Variants in SS18 observed in about 807,000 individuals in gnomAD.
SS18 encodes SS18 subunit of BAF chromatin remodeling complex.
In SS18, 28 loss-of-function variants were observed where a neutral mutation model predicts 72.5. That is an observed-to-expected ratio of 0.39 (90% CI 0.29 to 0.53). The LOEUF is 0.53. Among genes scored for constraint, SS18 ranks in the 20% least tolerant of loss-of-function variants. The probability of loss-of-function intolerance (pLI) is 0.76; values close to 1 mark genes in which losing one functional copy is unlikely to be tolerated. For missense variants in SS18, 518 were observed against 535.3 expected (o/e 0.97, Z 0.32); for synonymous variants, 172 against 164.2 (o/e 1.05, Z -0.37).
chr18:26,066,600 G>GCACACACACACACA lies in SS18; in HGVS notation c.232-8872_232-8859dup, dbSNP rs35011668. On this transcript the variant is annotated intron_variant, in intron 3 of 10. Coordinates refer to ENST00000415083, the MANE Select transcript of SS18 (RefSeq NM_001007559.3). ...TTTTAATATAGTTCTGGAAATTTGT[G>GCACACACACACACA]CACACACACACACACACACACACAC... 4.9e-3 allele frequency among the ~76,000 whole-genome samples: 710 copies of GCACACACACACACA among 144,418 alleles called. 5 individuals carry two copies. Among genetic ancestry groups the GCACACACACACACA allele is most frequent in the African/African-American group, 0.011 (427 of 39,002 alleles). The allele number at this position is 144,418 out of a possible 152,430, so 94.7% of individuals were successfully genotyped here. A position where few individuals can be genotyped will look rare whatever the true frequency, so the allele number is the denominator to read the frequency against.
rs111977273 is a variant in SS18 at position 26,047,668 on chromosome 18, C to T, written c.607+4956G>A. ...CATCCTGGCTAACACGGTGAAACCC[C>T]GTCTCTACCAAAAATACAAAAAAAA... On this transcript the variant is annotated intron_variant, in intron 5 of 10. Transcript: ENST00000415083. Among the ~76,000 whole-genome samples, 957 of 151,780 alleles carry T rather than the reference C, an allele frequency of 6.3e-3. 4 individuals carry two copies. Among genetic ancestry groups the T allele is most frequent in the Middle Eastern group, 0.014 (4 of 292 alleles).
rs2053273407 is a variant in SS18 at position 26,017,712 on chromosome 18, T to C, written c.*642A>G. Reference sequence around the variant, plus strand: ...AAAACTGTATCACAGTGCCCTTGATTATCTAATAGATAAAAGGGATTTGAA... The same window carrying C: ...AAAACTGTATCACAGTGCCCTTGATCATCTAATAGATAAAAGGGATTTGAA... On this transcript the variant is annotated 3_prime_UTR_variant, in exon 11 of 11. Transcript: ENST00000415083. 2 of 215,910 alleles carry C rather than the reference T, an allele frequency of 9.3e-6. No homozygotes were observed. The highest frequency in any genetic ancestry group is 1.9e-5 in the Non-Finnish European group (2 of 107,152). 13.4% of individuals were successfully genotyped at this position (215,910 alleles called of 1,614,324 possible).
At chr18:26,047,286 G>C (rs1266112545) in intron 5 of SS18, among the ~76,000 whole-genome samples, 1 of 122,268 alleles carries the variant, frequency 8.2e-6, no homozygotes, top group Non-Finnish European at 1.7e-5. Flanking sequence ...AAAAAAAGAA[G>C]AAGAAGAAAA....
chr18:26,079,490 A>C (rs141615912), intron 2 of SS18, among the ~76,000 whole-genome samples: 1 of 152,360 alleles, frequency 6.6e-6, no homozygotes, highest in East Asian at 1.9e-4. Flanking sequence ...AAGTTTTTTC[A>C]GCTAAAGTTC....
intron 1 of SS18, among the ~76,000 whole-genome samples, chr18:26,087,926 C>A (rs2054645217): frequency 2.0e-5 from 3 of 152,162 alleles, no homozygotes; most frequent in Non-Finnish European, 4.4e-5. Context: ...GTTTAAATCT[C>A]TTGTAAAAAT....
intron 5 of SS18, among the ~76,000 whole-genome samples, chr18:26,045,405 T>C (rs2053803209): frequency 6.6e-6 from 1 of 152,190 alleles, no homozygotes; most frequent in Non-Finnish European, 1.5e-5. Context: ...CTCCTTGCTA[T>C]ACTTCAAACA....
At chr18:26,066,305 T>C (rs565291993) in intron 3 of SS18, among the ~76,000 whole-genome samples, 39 of 152,076 alleles carry the variant, frequency 2.6e-4, no homozygotes, top group Non-Finnish European at 4.4e-4. Context: ...TATGAACACT[T>C]TGAGAATTAA....
intron 4 of SS18, among the ~76,000 whole-genome samples, chr18:26,056,037 G>A (rs1358766479): frequency 3.3e-5 from 5 of 152,078 alleles, no homozygotes; most frequent in African/African-American, 1.2e-4. Flanking sequence ...GATTACAGGC[G>A]TGAGCCACCG....
At chr18:26,039,217 A>G (rs2053680638) in intron 6 of SS18, 72 bp downstream of exon 6, 7 of 1,018,382 alleles carry the variant, frequency 6.9e-6, no homozygotes, top group Non-Finnish European at 9.9e-6. Flanking sequence ...GACTTTGTCT[A>G]GATTAAAAGG....
Position 26,060,771 on chromosome 18 carries a change from CAAAAAAAAAAAAAAAAAAAAAA to C in SS18, c.232-3051_232-3030del, listed in dbSNP as rs60999827. On this transcript the variant is annotated intron_variant, in intron 3 of 10. Coordinates refer to ENST00000415083, the MANE Select transcript of SS18 (RefSeq NM_001007559.3). ...GAAACTCTGTCTCTACTAAAAATAC[CAAAAAAAAAAAAAAAAAAAAAA>C]AAAAAAAAAAAAATCAGCCAGGCGC... 3.8e-3 allele frequency among the ~76,000 whole-genome samples: 152 copies of C among 39,632 alleles called. 2 individuals are homozygous for C. In the East Asian group the frequency reaches 0.082, roughly 21 times the overall value. 26.0% of individuals were successfully genotyped at this position (39,632 alleles called of 152,430 possible).
At position 26,078,396 on chromosome 18, in the gene SS18, T is replaced by C. The variant is rs147662911; in HGVS notation, c.147-236A>G. The C allele has an allele frequency of 9.6e-4, 341 of 353,484 alleles. 6 individuals are homozygous for C. In the East Asian group the frequency reaches 0.017, roughly 18 times the overall value. 21.9% of individuals were successfully genotyped at this position (353,484 alleles called of 1,614,324 possible). ...TGTTATAATTTTTTATATGCATATA[T>C]GTTTCAATCCACAAACCAATACTAC... On this transcript the variant is annotated intron_variant, in intron 2 of 10. Transcript: ENST00000415083.
At chr18:26,040,705 T>C (rs1230102292) in intron 5 of SS18, among the ~76,000 whole-genome samples, 1 of 152,246 alleles carries the variant, frequency 6.6e-6, no homozygotes, top group Non-Finnish European at 1.5e-5. Flanking sequence ...GAAGGAGTAC[T>C]TTATCAGAGA....
chr18:26,027,332 T>C (rs1307520120), intron 10 of SS18, among the ~76,000 whole-genome samples: 1 of 151,604 alleles, frequency 6.6e-6, no homozygotes, highest in African/African-American at 2.4e-5. Context: ...TTTGCAAAGG[T>C]AAAACGACAA....
intron 10 of SS18, among the ~76,000 whole-genome samples, chr18:26,029,737 T>C (rs2053512152): frequency 6.6e-6 from 1 of 152,224 alleles, no homozygotes; most frequent in African/African-American, 2.4e-5. Context: ...ACTACAACTA[T>C]AATTATGTTA....
chr18:26,025,435 G>A (rs1208040578), intron 10 of SS18, among the ~76,000 whole-genome samples: 1 of 151,998 alleles, frequency 6.6e-6, no homozygotes, highest in African/African-American at 2.4e-5. Flanking sequence ...AAATCGAGCT[G>A]CTTTTTGAGA....
intron 10 of SS18, among the ~76,000 whole-genome samples, chr18:26,030,803 CAG>C (rs1200530336): frequency 1.3e-5 from 2 of 151,492 alleles, no homozygotes; most frequent in Admixed American, 6.6e-5. Context: ...AAAAAAAATA[CAG>C]AGTCAAGAAT....
At chr18:26,060,717 A>G (rs1034231019) in intron 3 of SS18, among the ~76,000 whole-genome samples, 6 of 139,252 alleles carry the variant, frequency 4.3e-5, no homozygotes, top group African/African-American at 1.6e-4. Flanking sequence ...TCGAAGCCAG[A>G]AGCTCAAGAC....
intron 3 of SS18, among the ~76,000 whole-genome samples, chr18:26,071,886 C>G (rs1384899884): frequency 1.3e-5 from 2 of 150,740 alleles, no homozygotes; most frequent in Admixed American, 6.6e-5. Flanking sequence ...CAGACCAAAA[C>G]AAAACAAAAA....
chr18:26,064,172 T>G (rs2054173025), intron 3 of SS18, among the ~76,000 whole-genome samples: 2 of 152,136 alleles, frequency 1.3e-5, no homozygotes, highest in South Asian at 4.1e-4. Context: ...AAATTTTCCC[T>G]GAAGTAATCT....
Sources: gnomAD v4.1 joint callset for allele counts (sites outside exome capture counted in the v4.1 genomes callset) on GRCh38, gnomAD v4.1.1 for gene constraint, MANE v1.5 for transcripts, NCBI Gene and HGNC (gene_info 2026-07-23, HGNC 2026-07-21) for gene names.